GPC6: variants seen among roughly 807,000 people sequenced by gnomAD.
GPC6 encodes glypican 6.
In GPC6, 14 loss-of-function variants were observed where a neutral mutation model predicts 55.2. The observed-to-expected ratio is 0.25, with a 90% CI of 0.17 to 0.40. The LOEUF is 0.40. GPC6 is among the 10% of genes least tolerant of loss of function. The probability of loss-of-function intolerance (pLI) is 1.00; values close to 1 mark genes in which losing one functional copy is unlikely to be tolerated. For missense variants in GPC6, 641 were observed against 708.5 expected, an observed-to-expected ratio of 0.90 and a Z score of 1.08; for synonymous variants, 278 against 259.6, an observed-to-expected ratio of 1.07 and a Z score of -0.68.
chr13:93,643,005 C>A (rs1880022664), intron 2 of GPC6, among the ~76,000 whole-genome samples: 2 of 152,080 alleles, frequency 1.3e-5, no homozygotes, highest in South Asian at 4.1e-4. Context: ...GTTTTCATTA[C>A]AACTCTGAAA....
rs1452817086 is a variant in GPC6, at chr13:93,507,045, G to A, written c.161-38218G>A. On this transcript the variant is annotated intron_variant, in intron 1 of 8. Transcript: ENST00000377047. ...CCACTGCACTACAGCCTGGGCGACA[G>A]AGCGAGACTCCGTCTCAAAAAAAAA... Among the ~76,000 whole-genome samples the A allele has an allele frequency of 9.1e-5, 10 of 109,510 alleles. No homozygotes were observed. In the Admixed American group the frequency reaches 1.4e-3, roughly 16 times the overall value. 71.8% of individuals were successfully genotyped at this position (109,510 alleles called of 152,430 possible). A position where few individuals can be genotyped will look rare whatever the true frequency, so the allele number is the denominator to read the frequency against.
At chr13:94,123,725 G>A (rs138218903) in intron 4 of GPC6, among the ~76,000 whole-genome samples, 71 of 151,998 alleles carry the variant, frequency 4.7e-4, no homozygotes, top group Non-Finnish European at 8.4e-4. Flanking sequence ...TGGGGGAGGG[G>A]GTAAGATAGT....
At chr13:93,494,371 G>T in intron 1 of GPC6, among the ~76,000 whole-genome samples, 1 of 146,224 alleles carries the variant, frequency 6.8e-6, no homozygotes, top group African/African-American at 2.5e-5. Flanking sequence ...TTTTCCATTT[G>T]CTTGGTAGAT....
chr13:94,386,941 C>G (rs1465296628), intron 7 of GPC6, among the ~76,000 whole-genome samples: 3 of 152,178 alleles, frequency 2.0e-5, no homozygotes, highest in Non-Finnish European at 4.4e-5. Flanking sequence ...AGAAACATAC[C>G]TATTTCAAAT....
At chr13:93,770,559 A>G (rs905401394) in intron 2 of GPC6, among the ~76,000 whole-genome samples, 4 of 152,136 alleles carry the variant, frequency 2.6e-5, no homozygotes, top group Non-Finnish European at 5.9e-5. Flanking sequence ...TCTGACTCAA[A>G]GGGGCTGTGC....
chr13:94,260,886 G>A (rs1390104552), intron 4 of GPC6, among the ~76,000 whole-genome samples: 1 of 152,166 alleles, frequency 6.6e-6, no homozygotes, highest in East Asian at 1.9e-4. Flanking sequence ...TTATTGTTCA[G>A]ATATCATCAT....
intron 4 of GPC6, among the ~76,000 whole-genome samples, chr13:94,188,250 G>A (rs1369379318): frequency 2.6e-5 from 4 of 152,182 alleles, no homozygotes; most frequent in Non-Finnish European, 5.9e-5. Flanking sequence ...GACACAAAGA[G>A]GGGAGTGGTG....
At chr13:93,633,501 C>T (rs1460532976) in intron 2 of GPC6, among the ~76,000 whole-genome samples, 6 of 151,890 alleles carry the variant, frequency 4.0e-5, no homozygotes, top group Non-Finnish European at 7.4e-5. Flanking sequence ...CAAAAATTAG[C>T]TGGGTGTGGT....
intron 1 of GPC6, among the ~76,000 whole-genome samples, chr13:93,473,196 C>G (rs768602324): frequency 5.3e-5 from 8 of 152,174 alleles, no homozygotes; most frequent in Non-Finnish European, 1.2e-4. Flanking sequence ...TGTCCAGGAG[C>G]CTGTCTGCCT....
At chr13:93,718,940 A>G (rs192392928) in intron 2 of GPC6, among the ~76,000 whole-genome samples, 2 of 152,016 alleles carry the variant, frequency 1.3e-5, no homozygotes, top group East Asian at 1.9e-4. Flanking sequence ...CCATTGTTCT[A>G]TATATCTGTT....
intron 4 of GPC6, among the ~76,000 whole-genome samples, chr13:94,158,494 A>G (rs991160826): frequency 2.6e-5 from 4 of 152,306 alleles, no homozygotes; most frequent in Admixed American, 6.5e-5. Flanking sequence ...GCAATTTAGA[A>G]AAACATTCCC....
At chr13:93,794,313 T>C (rs1163297354) in intron 2 of GPC6, among the ~76,000 whole-genome samples, 1 of 152,180 alleles carries the variant, frequency 6.6e-6, no homozygotes, top group East Asian at 1.9e-4. Context: ...ACCTGGGAAC[T>C]TGGTAGAAAT....
intron 4 of GPC6, among the ~76,000 whole-genome samples, chr13:94,141,029 A>G (rs1887357960): frequency 6.6e-6 from 1 of 152,208 alleles, no homozygotes. Flanking sequence ...TAAGATATGT[A>G]AAGAGGCTTA....
chr13:93,778,705 T>G (rs1404176159), intron 2 of GPC6, among the ~76,000 whole-genome samples: 1 of 152,162 alleles, frequency 6.6e-6, no homozygotes, highest in African/African-American at 2.4e-5. Flanking sequence ...TAGCTAACTC[T>G]CCACCCTATC....
At chr13:93,336,161 G>C (rs1880038930) in intron 1 of GPC6, among the ~76,000 whole-genome samples, 1 of 152,162 alleles carries the variant, frequency 6.6e-6, no homozygotes, top group Non-Finnish European at 1.5e-5. Context: ...TTCTGCACTT[G>C]GAATTTTATC....
chr13:93,249,083 A>C (rs1360156582), intron 1 of GPC6, among the ~76,000 whole-genome samples: 1 of 152,170 alleles, frequency 6.6e-6, no homozygotes. Context: ...GGCATGTTAG[A>C]TTTGAAAAAC....
chr13:93,899,237 A>C (rs1876210767), intron 3 of GPC6, among the ~76,000 whole-genome samples: 1 of 151,958 alleles, frequency 6.6e-6, no homozygotes. Flanking sequence ...ACTTCATAGG[A>C]TCCCTAACGT....
intron 4 of GPC6, among the ~76,000 whole-genome samples, chr13:94,241,210 A>T (rs1297781224): frequency 6.6e-6 from 1 of 152,164 alleles, no homozygotes; most frequent in Non-Finnish European, 1.5e-5. Flanking sequence ...CAGACAGAAG[A>T]TCTGCCATCA....
intron 2 of GPC6, among the ~76,000 whole-genome samples, chr13:93,598,531 T>G (rs971960330): frequency 6.6e-6 from 1 of 152,176 alleles, no homozygotes; most frequent in Non-Finnish European, 1.5e-5. Context: ...CAGTGAGGTA[T>G]GGGGTGAATT....
Sources: gnomAD v4.1 joint callset for allele counts (sites outside exome capture counted in the v4.1 genomes callset) on GRCh38, gnomAD v4.1.1 for gene constraint, MANE v1.5 for transcripts, NCBI Gene and HGNC (gene_info 2026-07-23, HGNC 2026-07-21) for gene names.